The following TRERF1 variants were observed in gnomAD, a reference collection of about 807,000 sequenced individuals.
TRERF1 encodes transcriptional regulating factor 1, also known as transcriptional-regulating factor 1.
Under a neutral mutation model 122.9 loss-of-function variants are expected in TRERF1, and 27 were observed. That is an observed-to-expected ratio of 0.22 (90% CI 0.16 to 0.30). The LOEUF is 0.30. Among genes scored for constraint, TRERF1 ranks in the 10% least tolerant of loss-of-function variants. The probability of loss-of-function intolerance (pLI) is 1.00; values close to 1 mark genes in which losing one functional copy is unlikely to be tolerated. For missense variants in TRERF1, 1,248 were observed against 1,560.3 expected (o/e 0.80, Z 3.37); for synonymous variants, 636 against 641.7 (o/e 0.99, Z 0.13).
intron 3 of TRERF1, among the ~76,000 whole-genome samples, chr6:42,345,060 G>A (rs919035937): frequency 5.9e-5 from 9 of 152,076 alleles, no homozygotes; most frequent in Non-Finnish European, 1.0e-4. Context: ...ATATTGTTAG[G>A]CAAAAGAAGG....
intron 3 of TRERF1, among the ~76,000 whole-genome samples, chr6:42,331,781 C>A (rs561843296): frequency 6.6e-6 from 1 of 152,184 alleles, no homozygotes; most frequent in Non-Finnish European, 1.5e-5. Context: ...GCTGGCCTAG[C>A]AGCGCTGCCA....
At chr6:42,403,998 G>A (rs1050106916) in intron 2 of TRERF1, among the ~76,000 whole-genome samples, 2 of 152,220 alleles carry the variant, frequency 1.3e-5, no homozygotes, top group South Asian at 4.1e-4. Context: ...TGCCAGGCAT[G>A]TATGGGGCAC....
In TRERF1 at chr6:42,266,323, G is replaced by A. The variant is rs142168265; in HGVS notation, c.1438-526C>T. ...CCTGCCTCAGCCTCCCAAGTAGCTG[G>A]GACTACAGGTGTGCGCCACAACACC... On this transcript the variant is annotated intron_variant, in intron 5 of 17. Coordinates refer to ENST00000372922, the Ensembl canonical transcript of TRERF1. Among the ~76,000 whole-genome samples the A allele has an allele frequency of 4.5e-3, 676 of 151,902 alleles. 6 individuals carry two copies. The highest frequency in any genetic ancestry group is 0.015 in the African/African-American group (616 of 41,388).
At chr6:42,262,222 G>C (rs1045169971) in intron 8 of TRERF1, among the ~76,000 whole-genome samples, 2 of 151,934 alleles carry the variant, frequency 1.3e-5, no homozygotes, top group Non-Finnish European at 2.9e-5. Context: ...TTCTTTTGAG[G>C]ACTTGATATT....
At chr6:42,346,571 A>G (rs1388126917) in intron 3 of TRERF1, among the ~76,000 whole-genome samples, 1 of 152,230 alleles carries the variant, frequency 6.6e-6, no homozygotes, top group Non-Finnish European at 1.5e-5. Context: ...AGGTAGAAGC[A>G]GTGGAGAAGG....
chr6:42,262,440 G>GACAC (rs1561853525), intron 8 of TRERF1, among the ~76,000 whole-genome samples: 16 of 27,694 alleles, frequency 5.8e-4, no homozygotes, highest in Non-Finnish European at 1.1e-3. Flanking sequence ...GGGGCAGAGA[G>GACAC]AGAGAGAGAG....
chr6:42,297,763 T>C (rs1785354685), intron 4 of TRERF1, among the ~76,000 whole-genome samples: 1 of 151,998 alleles, frequency 6.6e-6, no homozygotes, highest in South Asian at 2.1e-4. Context: ...AACCAAATCC[T>C]CTCTGGAAAA....
At chr6:42,442,713 T>C (rs772751829) in intron 2 of TRERF1, among the ~76,000 whole-genome samples, 2 of 152,238 alleles carry the variant, frequency 1.3e-5, no homozygotes, top group African/African-American at 2.4e-5. Flanking sequence ...ACTAAGCTCA[T>C]TGGAGTTGTA....
Position 42,269,431 on chromosome 6 carries a change from A to G in TRERF1, c.160T>C (p.Ser54Pro). ...CGTGTATCTTGAGGGAAGTGGGGGGAGATTGGCGAGGCCTGAGGGGCATCC... is the reference window on the plus strand; with the variant it reads ...CGTGTATCTTGAGGGAAGTGGGGGGGGATTGGCGAGGCCTGAGGGGCATCC... Residue 54 changes from serine (S) to proline (P), a missense_variant, in exon 5 of 18, where the codon TCC (serine) becomes CCC (proline). Coordinates refer to ENST00000372922, the Ensembl canonical transcript of TRERF1. The surrounding 1 kb of genome is among the most constrained non-coding windows in gnomAD (Gnocchi z 4.9). 1.2e-6 allele frequency: 2 copies of G among 1,613,906 alleles called. No homozygotes were observed. The highest frequency in any genetic ancestry group is 1.7e-6 in the Non-Finnish European group (2 of 1,179,998).
intron 15 of TRERF1, among the ~76,000 whole-genome samples, 171 bp from the exon 16 acceptor site, chr6:42,236,582 G>T (rs1387305371): frequency 6.6e-6 from 1 of 152,164 alleles, no homozygotes; most frequent in African/African-American, 2.4e-5. Flanking sequence ...TCCTCAAAAG[G>T]TTGGTCTCCG....
rs2296200 is a variant in TRERF1 at position 42,349,774 on chromosome 6, T to A, written c.-371+13223A>T. On this transcript the variant is annotated intron_variant, in intron 3 of 17. Transcript: ENST00000372922. Reference sequence around the variant, plus strand: ...TCTGCTTCTGCCTGTTTTCTCCAGATGTTTACCTATTCTCTTTCATGGTAA... The same window carrying A: ...TCTGCTTCTGCCTGTTTTCTCCAGAAGTTTACCTATTCTCTTTCATGGTAA... Among the ~76,000 whole-genome samples, 614 of 152,308 alleles carry A rather than the reference T, an allele frequency of 4.0e-3. 8 individuals are homozygous for A. Among genetic ancestry groups the A allele is most frequent in the East Asian group, 0.031 (158 of 5,180 alleles).
chr6:42,363,828 G>GACC (rs1772230831), intron 2 of TRERF1, among the ~76,000 whole-genome samples: 1 of 152,140 alleles, frequency 6.6e-6, no homozygotes, highest in Non-Finnish European at 1.5e-5. Context: ...CCCTTCCCTG[G>GACC]AGTCTCCAGA....
At chr6:42,391,526 A>G (rs1777734178) in intron 2 of TRERF1, among the ~76,000 whole-genome samples, 1 of 152,132 alleles carries the variant, frequency 6.6e-6, no homozygotes, top group Non-Finnish European at 1.5e-5. Context: ...CCTCTGGTGA[A>G]CAGTCTCAGC....
intron 2 of TRERF1, among the ~76,000 whole-genome samples, chr6:42,425,213 C>G (rs1783418790): frequency 6.6e-6 from 1 of 152,190 alleles, no homozygotes; most frequent in African/African-American, 2.4e-5. Context: ...GAAAAAACAA[C>G]TGCTCTTGTG....
intron 8 of TRERF1, among the ~76,000 whole-genome samples, chr6:42,262,439 AG>A (rs1778192835): frequency 3.9e-5 from 1 of 25,648 alleles, no homozygotes; most frequent in African/African-American, 1.8e-4. Flanking sequence ...AGGGGCAGAG[AG>A]AGAGAGAGAG....
chr6:42,345,748 T>G (rs972995422), intron 3 of TRERF1, among the ~76,000 whole-genome samples: 4 of 152,242 alleles, frequency 2.6e-5, no homozygotes, highest in Non-Finnish European at 4.4e-5. Flanking sequence ...TCAGGATAAC[T>G]GAATTCCACC....
At chr6:42,315,091 T>C (rs1762267985) in intron 3 of TRERF1, among the ~76,000 whole-genome samples, 1 of 151,860 alleles carries the variant, frequency 6.6e-6, no homozygotes. Flanking sequence ...AGGTGTGCAG[T>C]GGGTGGGATG....
At chr6:42,340,554 C>A (rs1767077449) in intron 3 of TRERF1, among the ~76,000 whole-genome samples, 1 of 152,130 alleles carries the variant, frequency 6.6e-6, no homozygotes, top group South Asian at 2.1e-4. Flanking sequence ...AGAAAGGTCA[C>A]CTTTCCTGAG....
chr6:42,430,545 C>G (rs1157170109), intron 2 of TRERF1, among the ~76,000 whole-genome samples: 1 of 151,502 alleles, frequency 6.6e-6, no homozygotes, highest in African/African-American at 2.4e-5. Context: ...AAGTCAGGAG[C>G]TTGAGACCAG....
Sources: gnomAD v4.1 joint callset for allele counts (sites outside exome capture counted in the v4.1 genomes callset) on GRCh38, gnomAD v4.1.1 for gene constraint, Gnocchi (gnomAD v3.1) non-coding constraint, MANE v1.5 for transcripts, NCBI Gene and HGNC (gene_info 2026-07-23, HGNC 2026-07-21) for gene names.